TTLL11: variants seen among roughly 807,000 people sequenced by gnomAD.
The protein encoded by TTLL11 is tubulin polyglutamylase TTLL11.
A neutral mutation model predicts 51.7 loss-of-function variants in TTLL11; 42 were observed. That is an observed-to-expected ratio of 0.81 (90% CI 0.64 to 1.05). TTLL11 has a LOEUF of 1.05. Ranked by LOEUF, TTLL11 falls within the 50% of genes least tolerant of loss-of-function variation. The pLI is 0.00. For missense variants in TTLL11, 799 were observed against 940.4 expected (o/e 0.85, Z 1.97); for synonymous variants, 381 against 383.5 (o/e 0.99, Z 0.08).
At chr9:121,851,085 A>G (rs78568256) in intron 8 of TTLL11, among the ~76,000 whole-genome samples, 2,226 of 152,360 alleles carry the variant, frequency 0.015, 39 homozygotes, top group African/African-American at 0.05. Flanking sequence ...GAAAAGAGCC[A>G]GTCTGAAAAG....
intron 6 of TTLL11, among the ~76,000 whole-genome samples, chr9:121,931,516 G>A (rs1279601517): frequency 6.7e-6 from 1 of 149,726 alleles, no homozygotes; most frequent in Non-Finnish European, 1.5e-5. Context: ...GCCAAGGCAG[G>A]TGGATCACTT....
intron 4 of TTLL11, among the ~76,000 whole-genome samples, chr9:121,987,051 T>G (rs1842960459): frequency 6.6e-6 from 1 of 152,080 alleles, no homozygotes; most frequent in African/African-American, 2.4e-5. Context: ...AATAGCATTT[T>G]TATAAAACTC....
intron 6 of TTLL11, among the ~76,000 whole-genome samples, chr9:121,880,415 C>T (rs1418477300): frequency 6.6e-6 from 1 of 152,208 alleles, no homozygotes; most frequent in Non-Finnish European, 1.5e-5. Context: ...TTCTCTCTCA[C>T]CTTTCCCAAA....
At chr9:122,068,717 T>C (rs1588254401) in intron 1 of TTLL11, among the ~76,000 whole-genome samples, 12 of 152,310 alleles carry the variant, frequency 7.9e-5, no homozygotes, top group Middle Eastern at 3.4e-3. Flanking sequence ...TGGCAGATAC[T>C]GGGGGGTGTT....
intron 2 of TTLL11, among the ~76,000 whole-genome samples, chr9:122,038,966 T>C: frequency 6.6e-6 from 1 of 152,186 alleles, no homozygotes; most frequent in East Asian, 1.9e-4. Context: ...CCCGCAAGAA[T>C]GAAATGTTCT....
intron 4 of TTLL11, among the ~76,000 whole-genome samples, chr9:121,984,600 C>T (rs1319184617): frequency 1.3e-5 from 2 of 152,170 alleles, no homozygotes; most frequent in Admixed American, 6.5e-5. Context: ...CTGCATTGCT[C>T]CTTGGCCTTC....
At chr9:121,931,618 A>T (rs1204446356) in intron 6 of TTLL11, among the ~76,000 whole-genome samples, 1 of 151,742 alleles carries the variant, frequency 6.6e-6, no homozygotes, top group East Asian at 1.9e-4. Flanking sequence ...AAAGAAAAGA[A>T]AGAAATATTC....
intron 6 of TTLL11, among the ~76,000 whole-genome samples, chr9:121,938,523 A>C (rs896419348): frequency 2.6e-5 from 4 of 152,226 alleles, no homozygotes; most frequent in Non-Finnish European, 4.4e-5. Flanking sequence ...GACCATATGT[A>C]TAACTCATAA....
chr9:122,039,293 C>T lies in TTLL11; in HGVS notation c.538G>A (p.Gly180Ser), dbSNP rs761078552. Residue 180 changes from glycine (G) to serine (S), a missense_variant, in exon 2 of 9, where the codon GGT becomes AGT. Gly to Ser is a moderately conservative substitution (Grantham distance 56). Transcript: ENST00000321582. ...VSFHDNDIFS[G>S]QVNKFPGMTE... ...ATACCTGGAAACTTGTTCACTTGAC[C>T]GGAGAATATGTCATTGTCGTGAAAT... 9.9e-6 allele frequency: 16 copies of T among 1,613,584 alleles called. 1 individual carries two copies. Among genetic ancestry groups the T allele is most frequent in the African/African-American group, 6.7e-5 (5 of 74,842 alleles).
chr9:122,006,648 T>G (rs899767074), intron 3 of TTLL11, among the ~76,000 whole-genome samples: 3 of 152,192 alleles, frequency 2.0e-5, no homozygotes, highest in Non-Finnish European at 4.4e-5. Context: ...AGTATAACGG[T>G]GCCAAAGCAT....
intron 1 of TTLL11, among the ~76,000 whole-genome samples, chr9:122,044,866 T>C (rs1345612366): frequency 6.6e-6 from 1 of 151,914 alleles, no homozygotes; most frequent in Non-Finnish European, 1.5e-5. Flanking sequence ...TCACAGCACT[T>C]TGGGAGGCTG....
In TTLL11 at chr9:122,002,944, C is replaced by CAAAAAAAAAAAAAAAAAAAAA. The variant is rs547408355; in HGVS notation, c.694-13175_694-13174insTTTTTTTTTTTTTTTTTTTTT. ...CTGGCAACAGAGTGAGACTCTGTCT[C>CAAAAAAAAAAAAAAAAAAAAA]AAAAAAAAAAAAAAAAAAAAGAGAT... On this transcript the variant is annotated intron_variant, in intron 3 of 8. Coordinates refer to ENST00000321582, the MANE Select transcript of TTLL11 (RefSeq NM_001139442.2). Among the ~76,000 whole-genome samples, 84 of 61,222 alleles carry CAAAAAAAAAAAAAAAAAAAAA rather than the reference C, an allele frequency of 1.4e-3. 3 individuals carry two copies. The highest frequency in any genetic ancestry group is 5.0e-3 in the African/African-American group (60 of 11,890). 40.2% of individuals were successfully genotyped at this position (61,222 alleles called of 152,430 possible).
chr9:121,979,393 T>C (rs1453394289), intron 4 of TTLL11, among the ~76,000 whole-genome samples: 1 of 152,236 alleles, frequency 6.6e-6, no homozygotes, highest in Non-Finnish European at 1.5e-5. Flanking sequence ...TGCGAGATAG[T>C]GGGTATTTGT....
intron 4 of TTLL11, among the ~76,000 whole-genome samples, chr9:121,980,444 A>G (rs191789013): frequency 2.2e-4 from 34 of 152,374 alleles, no homozygotes; most frequent in Admixed American, 1.8e-3. Context: ...AAAAGCTCTG[A>G]TTATAGTAAT....
chr9:122,064,682 C>T (rs1354759141), intron 1 of TTLL11, among the ~76,000 whole-genome samples: 2 of 152,084 alleles, frequency 1.3e-5, no homozygotes, highest in African/African-American at 4.8e-5. Context: ...GGATGACAGA[C>T]ACAAGAACTC....
At chr9:121,872,436 T>C (rs952484335) in intron 6 of TTLL11, among the ~76,000 whole-genome samples, 1 of 152,244 alleles carries the variant, frequency 6.6e-6, no homozygotes, top group African/African-American at 2.4e-5. Context: ...ATTTCACTCC[T>C]ATTTCTATAA....
chr9:121,935,919 C>T (rs1841193664), intron 6 of TTLL11, among the ~76,000 whole-genome samples: 1 of 152,178 alleles, frequency 6.6e-6, no homozygotes, highest in Non-Finnish European at 1.5e-5. Context: ...GAGCACAGCC[C>T]CGACAGGTCT....
intron 6 of TTLL11, among the ~76,000 whole-genome samples, chr9:121,879,229 T>A (rs895695713): frequency 6.6e-6 from 1 of 152,132 alleles, no homozygotes. Flanking sequence ...GAGACTGGTA[T>A]TCACCCCGAG....
intron 6 of TTLL11, among the ~76,000 whole-genome samples, chr9:121,931,583 TTAAAAA>T (rs1363896883): frequency 0.04 from 4,168 of 103,820 alleles, 209 homozygotes; most frequent in African/African-American, 0.13. Context: ...TTTCTACTAT[TTAAAAA>T]AAAAAAAAAA....
Sources: allele counts gnomAD v4.1 joint callset (sites outside exome capture counted in the v4.1 genomes callset), GRCh38; gene constraint gnomAD v4.1.1; transcripts MANE v1.5; gene names NCBI Gene and HGNC (gene_info 2026-07-23, HGNC 2026-07-21).